Variants in SLC24A2 observed in about 807,000 individuals in gnomAD.
The protein encoded by SLC24A2 is sodium/potassium/calcium exchanger 2.
A neutral mutation model predicts 62.0 loss-of-function variants in SLC24A2; 36 were observed. That is an observed-to-expected ratio of 0.58 (90% CI 0.44 to 0.77). The LOEUF (loss-of-function observed/expected upper bound fraction) is 0.77. Among genes scored for constraint, SLC24A2 ranks in the 30% least tolerant of loss-of-function variants. The pLI is 0.00. For missense variants in SLC24A2, 846 were observed against 817.9 expected, an observed-to-expected ratio of 1.03 and a Z score of -0.42; for synonymous variants, 358 against 294.0, an observed-to-expected ratio of 1.22 and a Z score of -2.23.
chr9:20,147,777 C>CAACT, the SLC24A2 span, among the ~76,000 whole-genome samples: 1 of 152,024 alleles, frequency 6.6e-6, no homozygotes, highest in Non-Finnish European at 1.5e-5. Context: ...CAAAGGGGTG[C>CAACT]AACTAACCTG....
intron 5 of SLC24A2, among the ~76,000 whole-genome samples, chr9:19,587,511 C>T (rs770081203): frequency 5.3e-5 from 8 of 152,190 alleles, no homozygotes; most frequent in Non-Finnish European, 1.2e-4. Flanking sequence ...AGCAGAAGCA[C>T]TGGCACATGC....
the SLC24A2 span, among the ~76,000 whole-genome samples, chr9:20,179,334 T>G: frequency 1.3e-5 from 2 of 152,034 alleles, no homozygotes; most frequent in Non-Finnish European, 2.9e-5. Flanking sequence ...CAAAGCACGC[T>G]AGAGAATGAG....
intron 2 of SLC24A2, among the ~76,000 whole-genome samples, chr9:19,720,289 C>G (rs1056229291): frequency 1.3e-5 from 2 of 152,168 alleles, no homozygotes; most frequent in East Asian, 1.9e-4. Context: ...AATATTACAT[C>G]TTAAGAACTC....
intron 7 of SLC24A2, among the ~76,000 whole-genome samples, chr9:19,559,033 C>T (rs1306474607): frequency 6.6e-6 from 1 of 152,148 alleles, no homozygotes; most frequent in African/African-American, 2.4e-5. Flanking sequence ...GTCTTAAATA[C>T]CCATTCTTTT....
chr9:20,085,748 G>A, the SLC24A2 span, among the ~76,000 whole-genome samples: 1 of 152,162 alleles, frequency 6.6e-6, no homozygotes, highest in Non-Finnish European at 1.5e-5. Flanking sequence ...TATTCAGTAT[G>A]AGCCCATAAT....
chr9:20,032,148 C>G, the SLC24A2 span, among the ~76,000 whole-genome samples: 2 of 152,142 alleles, frequency 1.3e-5, no homozygotes, highest in Non-Finnish European at 1.5e-5. Flanking sequence ...TTTTGTTACC[C>G]TGGACCTTTT....
At chr9:19,784,135 A>T (rs1008200981) in intron 2 of SLC24A2, among the ~76,000 whole-genome samples, 1 of 152,184 alleles carries the variant, frequency 6.6e-6, no homozygotes, top group African/African-American at 2.4e-5. Context: ...AAGTCACCTA[A>T]TTGAGTAGGT....
chr9:19,892,699 GT>G, the SLC24A2 span, among the ~76,000 whole-genome samples: 329 of 148,292 alleles, frequency 2.2e-3, 1 homozygote, highest in Non-Finnish European at 3.4e-3. Context: ...ATCAACTGTT[GT>G]TTTTTTTTTC....
At chr9:20,059,501 A>C in the SLC24A2 span, among the ~76,000 whole-genome samples, 1 of 152,194 alleles carries the variant, frequency 6.6e-6, no homozygotes, top group Non-Finnish European at 1.5e-5. Context: ...AACATAAGGA[A>C]AACTGGAAAA....
the SLC24A2 span, among the ~76,000 whole-genome samples, chr9:20,257,456 C>G: frequency 6.6e-6 from 1 of 151,968 alleles, no homozygotes; most frequent in African/African-American, 2.4e-5. Context: ...TCTGATCATA[C>G]CAGATTCATT....
the SLC24A2 span, among the ~76,000 whole-genome samples, chr9:20,183,433 G>A: frequency 6.6e-6 from 1 of 152,218 alleles, no homozygotes; most frequent in Non-Finnish European, 1.5e-5. Context: ...TTGCTTACTG[G>A]CAACTAAACT....
At chr9:20,229,958 G>C in the SLC24A2 span, among the ~76,000 whole-genome samples, 11 of 141,488 alleles carry the variant, frequency 7.8e-5, no homozygotes, top group East Asian at 1.3e-3. Flanking sequence ...TGTTCAATTC[G>C]CACCTATGAG....
At chr9:19,977,407 G>T in the SLC24A2 span, among the ~76,000 whole-genome samples, 1 of 152,058 alleles carries the variant, frequency 6.6e-6, no homozygotes, top group African/African-American at 2.4e-5. Flanking sequence ...GAAAAATAAT[G>T]AAATAAAACC....
At chr9:19,550,072 G>C in intron 8 of SLC24A2, 65 bp downstream of exon 8, 1 of 1,529,966 alleles carries the variant, frequency 6.5e-7, no homozygotes, top group Non-Finnish European at 9.0e-7. Context: ...AACTGAAGCA[G>C]ACTATGCACC....
chr9:19,684,234 C>T (rs113295834), intron 2 of SLC24A2, among the ~76,000 whole-genome samples: 166 of 152,086 alleles, frequency 1.1e-3, no homozygotes, highest in Non-Finnish European at 2.2e-3. Flanking sequence ...CCTCCTTGGA[C>T]GATGTGGTTT....
At position 19,765,775 on chromosome 9, in the gene SLC24A2, T is replaced by G. The variant is rs117354841; in HGVS notation, c.930+20162A>C. On this transcript the variant is annotated intron_variant, in intron 2 of 10. Coordinates refer to ENST00000341998, the MANE Select transcript of SLC24A2 (RefSeq NM_020344.4). Reference sequence around the variant, plus strand: ...TGGTGAATCTGACATTTATGTGTTTTGGGGTTGCTCTTCTCGAGGAGTATC... The same window carrying G: ...TGGTGAATCTGACATTTATGTGTTTGGGGGTTGCTCTTCTCGAGGAGTATC... 7.5e-3 allele frequency among the ~76,000 whole-genome samples: 1,139 copies of G among 152,334 alleles called. 11 individuals are homozygous for G. The highest frequency in any genetic ancestry group is 0.012 in the Non-Finnish European group (832 of 68,024).
chr9:19,551,213 A>T (rs1487764025), intron 7 of SLC24A2, among the ~76,000 whole-genome samples: 2 of 152,230 alleles, frequency 1.3e-5, no homozygotes, highest in African/African-American at 4.8e-5. Flanking sequence ...GCAGCCAAAG[A>T]CAACTTATGC....
chr9:20,002,871 T>C, the SLC24A2 span, among the ~76,000 whole-genome samples: 3 of 152,326 alleles, frequency 2.0e-5, no homozygotes, highest in South Asian at 6.2e-4. Context: ...AGCTGTAGCC[T>C]CCACACACAT....
chr9:19,536,977 T>A (rs1834009826), intron 8 of SLC24A2, among the ~76,000 whole-genome samples: 1 of 137,146 alleles, frequency 7.3e-6, no homozygotes, highest in African/African-American at 2.8e-5. Context: ...TTTTCATGTG[T>A]TTTTTGGCTG....
Sources: allele counts gnomAD v4.1 joint callset (sites outside exome capture counted in the v4.1 genomes callset), GRCh38; gene constraint gnomAD v4.1.1; transcripts MANE v1.5; gene names NCBI Gene and HGNC (gene_info 2026-07-23, HGNC 2026-07-21).